TNNI3K: variants seen among roughly 807,000 people sequenced by gnomAD.
TNNI3K encodes TNNI3 interacting kinase.
In TNNI3K, 140 loss-of-function variants were observed where a neutral mutation model predicts 114.5. That is an observed-to-expected ratio of 1.22 (90% CI 1.07 to 1.41). TNNI3K has a LOEUF of 1.41. Ranked by LOEUF, TNNI3K falls within the 40% of genes most tolerant of loss-of-function variation. The probability of loss-of-function intolerance (pLI) is 0.00; values close to 1 mark genes in which losing one functional copy is unlikely to be tolerated. For missense variants in TNNI3K, 1,125 were observed against 1,007.6 expected, an observed-to-expected ratio of 1.12 and a Z score of -1.58; for synonymous variants, 347 against 347.5, an observed-to-expected ratio of 1.00 and a Z score of 0.02.
intron 5 of TNNI3K, among the ~76,000 whole-genome samples, chr1:74,275,334 C>G (rs1453192630): frequency 6.6e-6 from 1 of 152,018 alleles, no homozygotes; most frequent in African/African-American, 2.4e-5. Context: ...AGCAGAAACC[C>G]CTGATCAAAC....
chr1:74,299,387 A>G (rs1291112416), intron 5 of TNNI3K, among the ~76,000 whole-genome samples: 8 of 148,084 alleles, frequency 5.4e-5, no homozygotes, highest in African/African-American at 7.5e-5. Flanking sequence ...TTTTGCAAAC[A>G]TATATCAAAT....
chr1:74,502,745 T>C (rs577720148), intron 23 of TNNI3K, among the ~76,000 whole-genome samples: 1 of 152,348 alleles, frequency 6.6e-6, no homozygotes, highest in South Asian at 2.1e-4. Context: ...CCTCAGCTTA[T>C]GCCTCCTGAA....
At chr1:74,263,321 G>A (rs148414391) in intron 4 of TNNI3K, among the ~76,000 whole-genome samples, 1 of 152,064 alleles carries the variant, frequency 6.6e-6, no homozygotes, top group East Asian at 1.9e-4. Flanking sequence ...CATTCCTCTT[G>A]TAGCCTGTTT....
chr1:74,279,565 G>C (rs1217250813), intron 5 of TNNI3K, among the ~76,000 whole-genome samples: 1 of 147,500 alleles, frequency 6.8e-6, no homozygotes, highest in Non-Finnish European at 1.5e-5. Context: ...AGATTTAAAA[G>C]AGATATCTGA....
chr1:74,501,049 A>G (rs578128742), intron 23 of TNNI3K, among the ~76,000 whole-genome samples: 106 of 152,288 alleles, frequency 7.0e-4, no homozygotes, highest in African/African-American at 2.4e-3. Flanking sequence ...GTCTCTTCTA[A>G]CATTTCTTTA....
At chr1:74,268,969 A>C (rs139095510) in intron 4 of TNNI3K, among the ~76,000 whole-genome samples, 2 of 152,022 alleles carry the variant, frequency 1.3e-5, no homozygotes, top group East Asian at 3.9e-4. Flanking sequence ...TCATCTTGAA[A>C]ATTTCTTTTC....
chr1:74,261,320 G>C (rs1336180647), intron 4 of TNNI3K, among the ~76,000 whole-genome samples: 1 of 151,584 alleles, frequency 6.6e-6, no homozygotes, highest in Non-Finnish European at 1.5e-5. Context: ...TTCCCATGTA[G>C]AATTTTAAGT....
At chr1:74,353,224 A>G (rs1032456312) in intron 9 of TNNI3K, 42 bp from the exon 10 acceptor site, 2 of 1,598,816 alleles carry the variant, frequency 1.3e-6, no homozygotes, top group Admixed American at 3.5e-5. Flanking sequence ...AGTTCATAAC[A>G]AGGACCTTCT....
chr1:74,309,158 G>A (rs1489515864), intron 5 of TNNI3K, among the ~76,000 whole-genome samples: 1 of 151,142 alleles, frequency 6.6e-6, no homozygotes, highest in Non-Finnish European at 1.5e-5. Flanking sequence ...CACGAGGTCA[G>A]GAGATCGAGA....
At chr1:74,301,553 G>C (rs1409801446) in intron 5 of TNNI3K, among the ~76,000 whole-genome samples, 1 of 152,108 alleles carries the variant, frequency 6.6e-6, no homozygotes, top group African/African-American at 2.4e-5. Flanking sequence ...TTATAGATTA[G>C]TCACAAGTCC....
At chr1:74,365,153 C>G (rs1008461714) in intron 11 of TNNI3K, among the ~76,000 whole-genome samples, 1 of 152,090 alleles carries the variant, frequency 6.6e-6, no homozygotes. Flanking sequence ...AGGCATATTA[C>G]ATACATCATC....
chr1:74,476,607 T>G (rs1040702578), intron 21 of TNNI3K, among the ~76,000 whole-genome samples: 1 of 152,136 alleles, frequency 6.6e-6, no homozygotes, highest in East Asian at 1.9e-4. Flanking sequence ...GGATTCTGTT[T>G]ATGAATTCTG....
chr1:74,262,832 G>C (rs911453044), intron 4 of TNNI3K, among the ~76,000 whole-genome samples: 2 of 152,056 alleles, frequency 1.3e-5, no homozygotes, highest in African/African-American at 4.8e-5. Flanking sequence ...TCTTACACCA[G>C]ACAGTAGTAT....
chr1:74,419,877 T>C (rs950631337), intron 17 of TNNI3K, among the ~76,000 whole-genome samples: 1 of 152,106 alleles, frequency 6.6e-6, no homozygotes, highest in Non-Finnish European at 1.5e-5. Context: ...CCAGGAATCA[T>C]GTTAAGTATA....
chr1:74,366,150 A>G (rs774380406), intron 11 of TNNI3K, among the ~76,000 whole-genome samples: 3 of 152,046 alleles, frequency 2.0e-5, no homozygotes, highest in Non-Finnish European at 4.4e-5. Flanking sequence ...AACCCATGTT[A>G]ACTACAGATC....
In TNNI3K at chr1:74,429,133, C is replaced by A. The variant is rs545030429; in HGVS notation, c.1773-6947C>A. ...AGGAGCTAATCTCCCTGAGCCCAAA[C>A]GTACTGTCTCTGTTATCCTGGGGCT... On this transcript the variant is annotated intron_variant, in intron 17 of 24. Transcript: ENST00000326637. Among the ~76,000 whole-genome samples, 3 of 152,210 alleles carry A rather than the reference C, an allele frequency of 2.0e-5. No individual in the cohort carries two copies. In the South Asian group the frequency reaches 6.2e-4, roughly 32 times the overall value.
chr1:74,471,181 A>C (rs1378974524), intron 21 of TNNI3K: 1 of 400,530 alleles, frequency 2.5e-6, no homozygotes, highest in East Asian at 3.6e-5. Context: ...GACTACACGC[A>C]AGTTGTTAGC....
At chr1:74,394,180 T>C (rs918158239) in intron 17 of TNNI3K, among the ~76,000 whole-genome samples, 8 of 152,188 alleles carry the variant, frequency 5.3e-5, no homozygotes, top group Admixed American at 1.3e-4. Context: ...CCTCCTCTTA[T>C]GATCAAAATC....
chr1:74,278,326 C>T (rs1656805536), intron 5 of TNNI3K, among the ~76,000 whole-genome samples: 1 of 152,152 alleles, frequency 6.6e-6, no homozygotes, highest in Non-Finnish European at 1.5e-5. Context: ...TATTAATTGA[C>T]TTGATCCTCA....
Sources: gnomAD v4.1 joint callset for allele counts (sites outside exome capture counted in the v4.1 genomes callset) on GRCh38, gnomAD v4.1.1 for gene constraint, MANE v1.5 for transcripts, NCBI Gene and HGNC (gene_info 2026-07-23, HGNC 2026-07-21) for gene names.